Variants in NAV2 observed in about 807,000 individuals in gnomAD.
NAV2 encodes the protein helicase, APC down-regulated 1.
Under a neutral mutation model 223.2 loss-of-function variants are expected in NAV2, and 54 were observed. That is an observed-to-expected ratio of 0.24 (90% CI 0.19 to 0.30). NAV2 has a LOEUF of 0.30. NAV2 is among the 10% of genes least tolerant of loss of function. NAV2 has a pLI of 1.00. For synonymous variants in NAV2, 1,279 were observed against 1,239.3 expected, an observed-to-expected ratio of 1.03 and a Z score of -0.67; for missense variants, 2,806 against 3,147.5, an observed-to-expected ratio of 0.89 and a Z score of 2.60.
At chr11:19,994,073 A>G (rs967025854) in intron 11 of NAV2, among the ~76,000 whole-genome samples, 3 of 152,172 alleles carry the variant, frequency 2.0e-5, no homozygotes, top group Admixed American at 6.5e-5. Context: ...GGGACTGCAT[A>G]TGGTCCTATA....
intron 10 of NAV2, among the ~76,000 whole-genome samples, chr11:19,953,436 C>T (rs2047557598): frequency 6.9e-6 from 1 of 144,836 alleles, no homozygotes; most frequent in African/African-American, 2.5e-5. Context: ...AAGCTGGTTC[C>T]TGCATTTGCA....
chr11:19,630,386 A>C (rs1290193500), intron 1 of NAV2, among the ~76,000 whole-genome samples: 1 of 152,138 alleles, frequency 6.6e-6, no homozygotes, highest in Non-Finnish European at 1.5e-5. Flanking sequence ...TTGTTTTCTC[A>C]TGTGCAAGAT....
intron 1 of NAV2, among the ~76,000 whole-genome samples, chr11:19,789,560 C>T (rs1292985031): frequency 1.3e-5 from 2 of 152,130 alleles, no homozygotes; most frequent in South Asian, 2.1e-4. Flanking sequence ...AATCAAAGCA[C>T]TTAGGAAAAA....
chr11:20,091,128 GC>G, intron 27 of NAV2, 110 bp downstream of exon 27: 1 of 1,149,700 alleles, frequency 8.7e-7, no homozygotes, highest in Non-Finnish European at 1.2e-6. Flanking sequence ...GGCGGCCCTC[GC>G]TTTCCCAGCC....
intron 1 of NAV2, among the ~76,000 whole-genome samples, chr11:19,692,344 T>C (rs2049201222): frequency 6.6e-6 from 1 of 152,266 alleles, no homozygotes; most frequent in Non-Finnish European, 1.5e-5. Context: ...AGGTCATTTG[T>C]ATGTTGAAGC....
intron 10 of NAV2, among the ~76,000 whole-genome samples, chr11:19,974,537 A>G (rs902446304): frequency 2.0e-5 from 3 of 152,194 alleles, no homozygotes; most frequent in African/African-American, 7.2e-5. Flanking sequence ...TGTAATCCCA[A>G]CACTTTGGAG....
intron 1 of NAV2, among the ~76,000 whole-genome samples, chr11:19,382,572 C>T (rs553120722): frequency 2.6e-5 from 4 of 152,270 alleles, no homozygotes; most frequent in Admixed American, 1.3e-4. Context: ...TAATTGTCTC[C>T]CCCACATTGC....
intron 36 of NAV2, among the ~76,000 whole-genome samples, chr11:20,111,577 C>T (rs1406396879): frequency 6.6e-6 from 1 of 152,248 alleles, no homozygotes; most frequent in Non-Finnish European, 1.5e-5. Flanking sequence ...CCCTGCTTCC[C>T]TTTGGAGCTG....
Position 19,713,983 on chromosome 11 carries a change from G to A in NAV2, c.267+21G>A. 2 of 1,612,066 alleles carry A rather than the reference G, an allele frequency of 1.2e-6. No homozygotes were observed. Among genetic ancestry groups the A allele is most frequent in the Non-Finnish European group, 1.7e-6 (2 of 1,179,500 alleles). ...CCCAGGTGAGAGATGCCGTTTGCCGGGGTACTGTTCTGGAAGGATGGATGA... is the reference window on the plus strand; with the variant it reads ...CCCAGGTGAGAGATGCCGTTTGCCGAGGTACTGTTCTGGAAGGATGGATGA... On this transcript the variant is annotated intron_variant, in intron 1 of 37. Coordinates refer to ENST00000349880, the MANE Select transcript of NAV2 (RefSeq NM_145117.5). This position sits in a 1 kb window ranked among gnomAD's most constrained non-coding sequence, Gnocchi z 7.2.
chr11:20,040,202 A>G (rs1246524930), intron 12 of NAV2, among the ~76,000 whole-genome samples: 2 of 152,192 alleles, frequency 1.3e-5, no homozygotes, highest in Non-Finnish European at 2.9e-5. Context: ...GATATGGCAC[A>G]GGGAGGGAAT....
intron 7 of NAV2, among the ~76,000 whole-genome samples, chr11:19,934,723 A>G (rs964022043): frequency 2.6e-5 from 4 of 152,340 alleles, no homozygotes; most frequent in Middle Eastern, 3.4e-3. Context: ...TTCTTATAGC[A>G]GGGATTGCCT....
intron 11 of NAV2, among the ~76,000 whole-genome samples, chr11:19,991,130 T>C (rs2051289804): frequency 6.6e-6 from 1 of 152,210 alleles, no homozygotes; most frequent in Non-Finnish European, 1.5e-5. Flanking sequence ...ATTTTATTTT[T>C]ATTTTATTTT....
intron 10 of NAV2, among the ~76,000 whole-genome samples, chr11:19,967,625 G>T (rs1446751398): frequency 6.6e-6 from 1 of 152,048 alleles, no homozygotes; most frequent in Non-Finnish European, 1.5e-5. Flanking sequence ...CCCAAAAGTA[G>T]ACCTGTTAAA....
intron 16 of NAV2, among the ~76,000 whole-genome samples, chr11:20,050,875 G>A (rs1451560747): frequency 1.3e-5 from 2 of 152,234 alleles, no homozygotes; most frequent in Non-Finnish European, 2.9e-5. Flanking sequence ...GCATTTAGGG[G>A]GTGGGCCAGA....
chr11:19,514,414 C>T (rs951241265), intron 1 of NAV2, among the ~76,000 whole-genome samples: 4 of 152,036 alleles, frequency 2.6e-5, no homozygotes, highest in Non-Finnish European at 1.5e-5. Flanking sequence ...TTATTTTTAC[C>T]GACATTTTAG....
chr11:20,103,139 A>G, intron 32 of NAV2, 116 bp from the exon 33 acceptor site: 1 of 987,968 alleles, frequency 1.0e-6, no homozygotes, highest in South Asian at 1.7e-5. Context: ...ACAGCGCAGA[A>G]TCATGAAGGG....
intron 11 of NAV2, among the ~76,000 whole-genome samples, chr11:19,995,512 G>A (rs987826553): frequency 1.3e-5 from 2 of 152,136 alleles, no homozygotes; most frequent in African/African-American, 4.8e-5. Flanking sequence ...CTAAGCCTAG[G>A]GTAAGCTGTA....
At chr11:19,639,744 C>A (rs545408123) in intron 1 of NAV2, among the ~76,000 whole-genome samples, 5 of 152,184 alleles carry the variant, frequency 3.3e-5, no homozygotes, top group African/African-American at 4.8e-5. Flanking sequence ...CACAGGCACC[C>A]CCTACAGAGT....
intron 1 of NAV2, among the ~76,000 whole-genome samples, chr11:19,562,738 A>G (rs7951869): frequency 0.032 from 4,948 of 152,290 alleles, 285 homozygotes; most frequent in African/African-American, 0.11. Context: ...GCAGCACTAA[A>G]GCAATAGTTC....
Sources: gnomAD v4.1 joint callset for allele counts (sites outside exome capture counted in the v4.1 genomes callset) on GRCh38, gnomAD v4.1.1 for gene constraint, Gnocchi (gnomAD v3.1) non-coding constraint, MANE v1.5 for transcripts, NCBI Gene and HGNC (gene_info 2026-07-23, HGNC 2026-07-21) for gene names.